The following PRIM2 variants were observed in gnomAD, a reference collection of about 807,000 sequenced individuals.
PRIM2 encodes DNA primase subunit 2, also known as DNA primase large subunit.
In PRIM2, 39 loss-of-function variants were observed where a neutral mutation model predicts 67.3. The ratio of observed to expected loss-of-function variants is 0.58; its 90% CI spans 0.45 to 0.76. The LOEUF (loss-of-function observed/expected upper bound fraction) is 0.76. Ranked by LOEUF, PRIM2 falls within the 30% of genes least tolerant of loss-of-function variation. The probability of loss-of-function intolerance (pLI) is 0.00; values close to 1 mark genes in which losing one functional copy is unlikely to be tolerated. For missense variants in PRIM2, 398 were observed against 598.7 expected, an observed-to-expected ratio of 0.66 and a Z score of 3.50; for synonymous variants, 143 against 198.7, an observed-to-expected ratio of 0.72 and a Z score of 2.36.
chr6:57,398,433 AATTTTCATGTAATCAC>A (rs1770597217), intron 7 of PRIM2, among the ~76,000 whole-genome samples: 2 of 152,082 alleles, frequency 1.3e-5, no homozygotes, highest in African/African-American at 4.8e-5. Flanking sequence ...GAAGCATGTT[AATTTTCATGTAATCAC>A]ATGGTTTTGG....
chr6:57,243,162 T>C, the PRIM2 span, among the ~76,000 whole-genome samples: 3 of 152,226 alleles, frequency 2.0e-5, no homozygotes, highest in South Asian at 2.1e-4. Flanking sequence ...AGAATGCAAA[T>C]GGCAAAAACA....
At chr6:57,554,855 A>T (rs1775480427) in intron 10 of PRIM2, among the ~76,000 whole-genome samples, 1 of 152,204 alleles carries the variant, frequency 6.6e-6, no homozygotes, top group South Asian at 2.1e-4. Flanking sequence ...TTGCTAAGGA[A>T]TGTGTTTTCG....
chr6:57,425,067 A>G (rs1339568996), intron 7 of PRIM2, among the ~76,000 whole-genome samples: 1 of 152,214 alleles, frequency 6.6e-6, no homozygotes, highest in Non-Finnish European at 1.5e-5. Flanking sequence ...GTGAAATATT[A>G]TACTTAGGAA....
At chr6:57,435,401 C>CT (rs1209130145) in intron 7 of PRIM2, among the ~76,000 whole-genome samples, 1 of 152,132 alleles carries the variant, frequency 6.6e-6, no homozygotes, top group African/African-American at 2.4e-5. Context: ...CCCTGAGACT[C>CT]TTTTTTCACC....
chr6:57,288,934 A>T, the PRIM2 span, among the ~76,000 whole-genome samples: 2 of 152,218 alleles, frequency 1.3e-5, no homozygotes, highest in African/African-American at 4.8e-5. Context: ...CAAGGGAACA[A>T]AACTGGATGG....
At chr6:57,519,378 C>T (rs1483777299) in intron 8 of PRIM2, among the ~76,000 whole-genome samples, 6 of 152,200 alleles carry the variant, frequency 3.9e-5, no homozygotes, top group East Asian at 1.9e-4. Flanking sequence ...CCTGCAGTCT[C>T]GACCATAAGA....
chr6:57,585,343 G>A lies in PRIM2; in HGVS notation c.1021-15750G>A, dbSNP rs1474278632. Among the ~76,000 whole-genome samples, 3 of 152,178 alleles carry A rather than the reference G, an allele frequency of 2.0e-5. No homozygotes were observed. In the East Asian group the frequency reaches 5.8e-4, roughly 29 times the overall value. ...AAAAGTGGAGCTGTACATTACAGTA[G>A]TTAAAGTGGTAAAAACAGATTTTAT... On this transcript the variant is annotated intron_variant, in intron 10 of 13. Coordinates refer to ENST00000615550, the MANE Select transcript of PRIM2 (RefSeq NM_000947.5).
intron 7 of PRIM2, among the ~76,000 whole-genome samples, chr6:57,468,127 T>A (rs1259408366): frequency 6.6e-6 from 1 of 152,178 alleles, no homozygotes; most frequent in Non-Finnish European, 1.5e-5. Flanking sequence ...TATTTCTTTC[T>A]CTTGCCTGAT....
At chr6:57,259,028 A>G in the PRIM2 span, among the ~76,000 whole-genome samples, 1 of 152,230 alleles carries the variant, frequency 6.6e-6, no homozygotes. Context: ...CTAAGTTCCC[A>G]TGTACCATGG....
the PRIM2 span, among the ~76,000 whole-genome samples, chr6:57,280,823 T>A: frequency 6.6e-6 from 1 of 152,090 alleles, no homozygotes; most frequent in Non-Finnish European, 1.5e-5. Context: ...ATCTTTTTTT[T>A]TAAAAAAAAT....
intron 7 of PRIM2, among the ~76,000 whole-genome samples, chr6:57,467,115 A>AG (rs1773219396): frequency 6.7e-6 from 1 of 149,866 alleles, no homozygotes; most frequent in African/African-American, 2.4e-5. Context: ...CAAAAAAAAA[A>AG]AAAAAGAAAA....
At chr6:57,289,495 C>A in the PRIM2 span, among the ~76,000 whole-genome samples, 5 of 152,174 alleles carry the variant, frequency 3.3e-5, no homozygotes, top group African/African-American at 1.2e-4. Flanking sequence ...CCCCAAGACA[C>A]ATAATTGTCA....
the PRIM2 span, among the ~76,000 whole-genome samples, chr6:57,251,211 C>T: frequency 6.6e-6 from 1 of 152,078 alleles, no homozygotes; most frequent in African/African-American, 2.4e-5. Context: ...ATTTACAGAT[C>T]ATATAGACAA....
At chr6:57,544,355 CAG>C (rs1775243025) in intron 10 of PRIM2, among the ~76,000 whole-genome samples, 1 of 152,042 alleles carries the variant, frequency 6.6e-6, no homozygotes, top group African/African-American at 2.4e-5. Flanking sequence ...TTTCTGGTCA[CAG>C]ATGTTATTTG....
intron 7 of PRIM2, among the ~76,000 whole-genome samples, chr6:57,502,502 A>G: frequency 6.6e-6 from 1 of 152,146 alleles, no homozygotes; most frequent in Admixed American, 6.5e-5. Context: ...TAATGCCGCG[A>G]TTTTTTTACA....
chr6:57,299,580 T>G, the PRIM2 span, among the ~76,000 whole-genome samples: 1 of 152,182 alleles, frequency 6.6e-6, no homozygotes, highest in Non-Finnish European at 1.5e-5. Context: ...ATGCTCGGCA[T>G]CCAACAATTT....
upstream of PRIM2, among the ~76,000 whole-genome samples, chr6:57,310,264 T>C (rs1301819016): frequency 1.3e-5 from 2 of 152,230 alleles, no homozygotes; most frequent in African/African-American, 2.4e-5. Context: ...TTAACAAGCA[T>C]GCTGCCTTCA....
chr6:57,417,330 C>T (rs1313647402), intron 7 of PRIM2, among the ~76,000 whole-genome samples: 1 of 152,100 alleles, frequency 6.6e-6, no homozygotes, highest in Non-Finnish European at 1.5e-5. Flanking sequence ...AGGAACTTTT[C>T]CTTTGCATTT....
At chr6:57,477,182 CAG>C (rs1196672547) in intron 7 of PRIM2, among the ~76,000 whole-genome samples, 1 of 151,912 alleles carries the variant, frequency 6.6e-6, no homozygotes, top group African/African-American at 2.4e-5. Flanking sequence ...TTTATAGAAA[CAG>C]AGTCTCCTAT....
Sources: gnomAD v4.1 joint callset for allele counts (sites outside exome capture counted in the v4.1 genomes callset) on GRCh38, gnomAD v4.1.1 for gene constraint, MANE v1.5 for transcripts, NCBI Gene and HGNC (gene_info 2026-07-23, HGNC 2026-07-21) for gene names.